CMKLR2: variants seen among roughly 807,000 people sequenced by gnomAD.
CMKLR2 encodes chemerin-like receptor 2.
A neutral mutation model predicts 23.0 loss-of-function variants in CMKLR2; 18 were observed. That is an observed-to-expected ratio of 0.78 (90% CI 0.54 to 1.16). CMKLR2 has a LOEUF of 1.16. CMKLR2 is among the 50% of genes most tolerant of loss of function. The pLI, the probability that CMKLR2 is intolerant of heterozygous loss-of-function variation, is 0.00. For missense variants in CMKLR2, 401 were observed against 412.7 expected (o/e 0.97, Z 0.25); for synonymous variants, 158 against 158.9 (o/e 0.99, Z 0.05).
At chr2:206,191,816 A>G (rs1688757937) in intron 1 of CMKLR2, among the ~76,000 whole-genome samples, 1 of 148,564 alleles carries the variant, frequency 6.7e-6, no homozygotes, top group Non-Finnish European at 1.5e-5. Context: ...CCACAGAGGC[A>G]TGTGCCACCA....
chr2:206,216,297 T>C (rs958969208), upstream of CMKLR2, among the ~76,000 whole-genome samples: 1 of 152,056 alleles, frequency 6.6e-6, no homozygotes, highest in Non-Finnish European at 1.5e-5. Flanking sequence ...CTACTAAAAA[T>C]ACAAAAATTA....
intron 1 of CMKLR2, among the ~76,000 whole-genome samples, chr2:206,198,458 T>C (rs1240469727): frequency 6.6e-6 from 1 of 152,126 alleles, no homozygotes; most frequent in Admixed American, 6.5e-5. Flanking sequence ...TGGTGTTTCC[T>C]AACTGAGAAG....
In CMKLR2 at chr2:206,182,372, T is replaced by G. The variant is rs141789195; in HGVS notation, c.-28-5097A>C. On this transcript the variant is annotated intron_variant, in intron 1 of 1. Transcript: ENST00000621141. ...TCTGTCATACTTGTCTTATCACACTTAACACGTTATGTTGTCATTAATTTA... is the reference window on the plus strand; with the variant it reads ...TCTGTCATACTTGTCTTATCACACTGAACACGTTATGTTGTCATTAATTTA... 2.0e-3 allele frequency among the ~76,000 whole-genome samples: 302 copies of G among 152,332 alleles called. 1 individual carries two copies. Among genetic ancestry groups the G allele is most frequent in the African/African-American group, 6.9e-3 (286 of 41,582 alleles).
chr2:206,211,021 T>G (rs1466120022), intron 1 of CMKLR2, among the ~76,000 whole-genome samples: 1 of 152,230 alleles, frequency 6.6e-6, no homozygotes, highest in Non-Finnish European at 1.5e-5. Flanking sequence ...TTGGTCCTAA[T>G]GAAAATTCAA....
At chr2:206,207,700 A>C (rs962930261) in intron 1 of CMKLR2, among the ~76,000 whole-genome samples, 2 of 136,136 alleles carry the variant, frequency 1.5e-5, no homozygotes, top group Non-Finnish European at 3.1e-5. Context: ...GAACAGACTA[A>C]ACATCTGGGT....
chr2:206,206,449 GC>G (rs1305819145), intron 1 of CMKLR2, among the ~76,000 whole-genome samples: 1 of 152,176 alleles, frequency 6.6e-6, no homozygotes, highest in East Asian at 1.9e-4. Context: ...ATTTGACTAA[GC>G]TTTTATCTCC....
rs750343149 is a variant in CMKLR2, at chr2:206,176,352, A to G, written c.896T>C (p.Leu299Ser). The G allele has an allele frequency of 2.0e-5, 33 of 1,614,070 alleles. No homozygotes were observed. In the Admixed American group the frequency reaches 5.5e-4, roughly 27 times the overall value. The change falls in exon 2 of 2, where the codon TTG becomes TCG. Residue 299 changes from leucine (L) to serine (S), a missense_variant. By Grantham distance (145) the Leu-to-Ser change is moderately radical. Coordinates refer to ENST00000621141, the MANE Select transcript of CMKLR2 (RefSeq NM_001389445.1). ...AATTAGGACATAAAGGATGGGGTTC[A>G]AGCAACTATTGAGGAATGCCAAACC... ...STGLAFLNSC[L>S]NPILYVLISK...
At chr2:206,182,404 A>G (rs896688630) in intron 1 of CMKLR2, among the ~76,000 whole-genome samples, 8 of 152,044 alleles carry the variant, frequency 5.3e-5, no homozygotes, top group Non-Finnish European at 1.2e-4. Context: ...TTTATTTTTA[A>G]TTTCTTCTCT....
At position 206,185,447 on chromosome 2, in the gene CMKLR2, A is replaced by C. The variant is rs565614031; in HGVS notation, c.-28-8172T>G. Reference sequence around the variant, plus strand: ...TGTCTAACATATTCTAGAAGCAATAAGGATGCCAGTATGTCTAGGGCAGGA... The same window carrying C: ...TGTCTAACATATTCTAGAAGCAATACGGATGCCAGTATGTCTAGGGCAGGA... On this transcript the variant is annotated intron_variant, in intron 1 of 1. Transcript: ENST00000621141. Among the ~76,000 whole-genome samples the C allele has an allele frequency of 1.8e-4, 28 of 152,366 alleles. No individual in the cohort carries two copies. In the South Asian group the frequency reaches 3.7e-3, roughly 20 times the overall value.
At chr2:206,205,543 T>G (rs915218180) in intron 1 of CMKLR2, among the ~76,000 whole-genome samples, 1 of 150,912 alleles carries the variant, frequency 6.6e-6, no homozygotes. Flanking sequence ...TTTTTTTTTT[T>G]AAATTTGGGG....
chr2:206,208,444 G>A (rs1689420179), intron 1 of CMKLR2, among the ~76,000 whole-genome samples: 2 of 151,998 alleles, frequency 1.3e-5, no homozygotes, highest in Non-Finnish European at 2.9e-5. Context: ...AGAAGTGGGA[G>A]GATTACTTGG....
intron 1 of CMKLR2, among the ~76,000 whole-genome samples, chr2:206,205,640 G>T (rs1003763770): frequency 2.0e-5 from 3 of 151,818 alleles, no homozygotes; most frequent in African/African-American, 7.3e-5. Context: ...CCAAAGTGGT[G>T]GGATTTTAGG....
chr2:206,215,387 G>A (rs1354216038), upstream of CMKLR2, among the ~76,000 whole-genome samples: 2 of 152,202 alleles, frequency 1.3e-5, no homozygotes, highest in East Asian at 1.9e-4. Context: ...ATCTCAGGAA[G>A]TTTTGGTTAC....
chr2:206,183,903 C>G (rs1688492564), intron 1 of CMKLR2, among the ~76,000 whole-genome samples: 1 of 152,198 alleles, frequency 6.6e-6, no homozygotes, highest in Non-Finnish European at 1.5e-5. Flanking sequence ...TTTAAACCTT[C>G]CCAAATATCT....
intron 1 of CMKLR2, among the ~76,000 whole-genome samples, chr2:206,184,078 C>A (rs980989698): frequency 1.3e-5 from 2 of 152,152 alleles, no homozygotes; most frequent in African/African-American, 4.8e-5. Flanking sequence ...ATGGCTCTTG[C>A]CTAGCTTCTT....
intron 1 of CMKLR2, among the ~76,000 whole-genome samples, chr2:206,196,430 G>C (rs1358826247): frequency 6.7e-6 from 1 of 149,118 alleles, no homozygotes; most frequent in African/African-American, 2.5e-5. Flanking sequence ...AACCAGGAGA[G>C]AGCGATGCTG....
At chr2:206,215,883 C>G (rs763547241), upstream of CMKLR2, among the ~76,000 whole-genome samples, 1 of 152,092 alleles carries the variant, frequency 6.6e-6, no homozygotes, top group South Asian at 2.1e-4. Context: ...ATTAAGAGAG[C>G]CTTTTGTGTA....
chr2:206,187,296 T>TA (rs1008279890), intron 1 of CMKLR2, among the ~76,000 whole-genome samples: 1 of 151,690 alleles, frequency 6.6e-6, no homozygotes, highest in East Asian at 1.9e-4. Context: ...AAAAATAAAA[T>TA]AAAAAAAAGA....
At chr2:206,178,954 T>C (rs778943202) in intron 1 of CMKLR2, among the ~76,000 whole-genome samples, 1 of 151,690 alleles carries the variant, frequency 6.6e-6, no homozygotes, top group African/African-American at 2.4e-5. Context: ...TGGCCAAAGA[T>C]TGGATTTATT....
Sources: allele counts gnomAD v4.1 joint callset (sites outside exome capture counted in the v4.1 genomes callset), GRCh38; gene constraint gnomAD v4.1.1; transcripts MANE v1.5; gene names NCBI Gene and HGNC (gene_info 2026-07-23, HGNC 2026-07-21).